Variants in TDRD3 observed in about 807,000 individuals in gnomAD.
The protein encoded by TDRD3 is tudor domain containing 3, also known as tudor domain-containing protein 3.
In TDRD3, 45 loss-of-function variants were observed where a neutral mutation model predicts 86.7. That is an observed-to-expected ratio of 0.52 (90% CI 0.41 to 0.67). TDRD3 has a LOEUF of 0.67. Among genes scored for constraint, TDRD3 ranks in the 30% least tolerant of loss-of-function variants. The pLI is 0.00. For synonymous variants in TDRD3, 298 were observed against 301.7 expected (o/e 0.99, Z 0.13); for missense variants, 814 against 889.0 (o/e 0.92, Z 1.07).
intron 2 of TDRD3, among the ~76,000 whole-genome samples, chr13:60,441,037 A>G (rs959265792): frequency 2.6e-5 from 4 of 152,144 alleles, no homozygotes; most frequent in Non-Finnish European, 5.9e-5. Context: ...TTTACTTAAC[A>G]AGACAAGTAA....
intron 10 of TDRD3, among the ~76,000 whole-genome samples, chr13:60,518,258 G>A (rs1473921604): frequency 6.6e-6 from 1 of 152,176 alleles, no homozygotes; most frequent in Non-Finnish European, 1.5e-5. Flanking sequence ...CCCTGGACCT[G>A]TGTGTGGTAT....
At chr13:60,486,040 C>T (rs1956428622) in intron 7 of TDRD3, 92 bp downstream of exon 7, 1 of 1,299,436 alleles carries the variant, frequency 7.7e-7, no homozygotes, top group East Asian at 2.8e-5. Flanking sequence ...TATAAGCTAA[C>T]TAATTCAACA....
chr13:60,515,441 A>C (rs1250385637), intron 10 of TDRD3, among the ~76,000 whole-genome samples: 3 of 152,220 alleles, frequency 2.0e-5, no homozygotes, highest in African/African-American at 7.2e-5. Flanking sequence ...GATAACACAC[A>C]TAAGTACAAA....
intron 10 of TDRD3, among the ~76,000 whole-genome samples, chr13:60,511,907 T>C (rs1420687875): frequency 1.3e-5 from 2 of 152,144 alleles, no homozygotes; most frequent in Non-Finnish European, 2.9e-5. Context: ...TCTTTCTTTT[T>C]CCTGACTCTG....
At chr13:60,432,930 G>A (rs747883611) in intron 1 of TDRD3, among the ~76,000 whole-genome samples, 3 of 152,096 alleles carry the variant, frequency 2.0e-5, no homozygotes, top group Admixed American at 6.6e-5. Flanking sequence ...ATAATCAGGT[G>A]TAGGTTAGAA....
chr13:60,438,155 G>A lies in TDRD3; in HGVS notation c.42-1533G>A, dbSNP rs535792611. On this transcript the variant is annotated intron_variant, in intron 1 of 13. Transcript: ENST00000377881. ...TTCACACAATACTTTTCACATAAGC[G>A]GGGCATAATATTTATGAAAGTGAAT... Among the ~76,000 whole-genome samples the A allele has an allele frequency of 6.6e-5, 10 of 152,036 alleles. No homozygotes were observed. The South Asian group carries it at 1.9e-3, about 28-fold the overall frequency.
At chr13:60,490,689 T>C (rs1480210295) in intron 7 of TDRD3, among the ~76,000 whole-genome samples, 1 of 151,950 alleles carries the variant, frequency 6.6e-6, no homozygotes. Context: ...AATCTAGGAT[T>C]TAAAAAAAAA....
At position 60,528,571 on chromosome 13, in the gene TDRD3, G is replaced by C; in HGVS notation, c.1346G>C (p.Arg449Thr). Reference sequence around the variant, plus strand: ...GAAGGCAGTGGATTACCTAGAAATAGAGGTTCTGAAAGACCAAGTACTTCT... The same window carrying C: ...GAAGGCAGTGGATTACCTAGAAATACAGGTTCTGAAAGACCAAGTACTTCT... ...VLEGSGLPRNRGSERPSTSSV... is the reference protein window; with the variant it reads ...VLEGSGLPRNTGSERPSTSSV... Residue 449 changes from arginine (R) to threonine (T), a missense_variant, in exon 11 of 14, where the codon AGA becomes ACA. Arg to Thr is a moderately conservative substitution (Grantham distance 71). Transcript: ENST00000377881. 3 of 1,614,000 alleles carry C rather than the reference G, an allele frequency of 1.9e-6. No individual in the cohort carries two copies. The highest frequency in any genetic ancestry group is 1.7e-6 in the Non-Finnish European group (2 of 1,179,950).
intron 2 of TDRD3, among the ~76,000 whole-genome samples, chr13:60,443,775 T>TG (rs1288162484): frequency 6.6e-6 from 1 of 151,932 alleles, no homozygotes; most frequent in Non-Finnish European, 1.5e-5. Context: ...CTTAAGGTGA[T>TG]GAAGAGCTAC....
intron 3 of TDRD3, among the ~76,000 whole-genome samples, chr13:60,449,947 C>T (rs765619708): frequency 2.6e-5 from 4 of 151,974 alleles, no homozygotes; most frequent in Non-Finnish European, 5.9e-5. Context: ...GGCACAAGCA[C>T]CTACCTTACC....
chr13:60,564,041 T>A (rs1364295762), intron 12 of TDRD3, among the ~76,000 whole-genome samples: 1 of 152,184 alleles, frequency 6.6e-6, no homozygotes, highest in Non-Finnish European at 1.5e-5. Context: ...ATTATTGCGG[T>A]TTTGTATCTT....
At chr13:60,547,414 A>C in intron 12 of TDRD3, 1 of 985,300 alleles carries the variant, frequency 1.0e-6, no homozygotes, top group East Asian at 1.1e-4. Context: ...GCTCCAGGGG[A>C]GCTGGAAATG....
chr13:60,470,089 C>T (rs932941216), intron 5 of TDRD3, among the ~76,000 whole-genome samples: 2 of 152,160 alleles, frequency 1.3e-5, no homozygotes, highest in African/African-American at 4.8e-5. Context: ...TACTTTCTGT[C>T]TCTGAATTTG....
intron 6 of TDRD3, among the ~76,000 whole-genome samples, chr13:60,484,410 G>T (rs978907105): frequency 1.3e-5 from 2 of 152,142 alleles, no homozygotes; most frequent in African/African-American, 4.8e-5. Context: ...AAATTTAGCG[G>T]TTGGTAATCT....
At chr13:60,562,695 G>T (rs796672955) in intron 12 of TDRD3, among the ~76,000 whole-genome samples, 10 of 152,286 alleles carry the variant, frequency 6.6e-5, no homozygotes, top group African/African-American at 2.4e-4. Context: ...AATTTCATAT[G>T]CTGATGTATG....
chr13:60,444,023 C>T (rs565688584), intron 2 of TDRD3, among the ~76,000 whole-genome samples: 6 of 151,826 alleles, frequency 4.0e-5, no homozygotes, highest in Non-Finnish European at 8.8e-5. Flanking sequence ...ATTTCCTTTT[C>T]TTATGTCATG....
chr13:60,514,277 G>A (rs1461718290), intron 10 of TDRD3, among the ~76,000 whole-genome samples: 3 of 152,186 alleles, frequency 2.0e-5, no homozygotes, highest in Non-Finnish European at 4.4e-5. Flanking sequence ...TTTCTAAGCA[G>A]CAAAGCATTC....
chr13:60,419,455 A>G (rs1212156965), intron 1 of TDRD3, among the ~76,000 whole-genome samples: 1 of 152,212 alleles, frequency 6.6e-6, no homozygotes, highest in Admixed American at 6.5e-5. Context: ...CAGCCATAAA[A>G]AAGAATGAGT....
intron 6 of TDRD3, among the ~76,000 whole-genome samples, chr13:60,485,311 T>C (rs1248890319): frequency 6.6e-6 from 1 of 152,048 alleles, no homozygotes. Flanking sequence ...CTTTGAAGCC[T>C]GATACGGGGG....
Sources: allele counts gnomAD v4.1 joint callset (sites outside exome capture counted in the v4.1 genomes callset), GRCh38; gene constraint gnomAD v4.1.1; transcripts MANE v1.5; gene names NCBI Gene and HGNC (gene_info 2026-07-23, HGNC 2026-07-21).